NBN: variants seen among roughly 807,000 people sequenced by gnomAD.
NBN encodes the protein Nijmegen breakage syndrome 1 (nibrin).
A neutral mutation model predicts 90.8 loss-of-function variants in NBN; 88 were observed. The ratio of observed to expected loss-of-function variants is 0.97; its 90% CI spans 0.82 to 1.16. The LOEUF (loss-of-function observed/expected upper bound fraction) is 1.16, where lower values mean the gene tolerates loss of function less well. Ranked by LOEUF, NBN falls within the 50% of genes most tolerant of loss-of-function variation. The pLI is 0.00. For synonymous variants in NBN, 328 were observed against 295.1 expected (o/e 1.11, Z -1.14); for missense variants, 894 against 869.6 (o/e 1.03, Z -0.35).
rs1563581276 is a variant in NBN at position 89,981,479 on chromosome 8, AG to A, written c.215del (p.Ser72LeufsTer20). ...CCTCATTAACAAAGGTACCATACTTAGAATTATCTTTTAATGTCAATACAGG... is the reference window on the plus strand; with the variant it reads ...CCTCATTAACAAAGGTACCATACTTAAATTATCTTTTAATGTCAATACAGG... ...EIPVLTLKDN[S>X]KYGTFVNEEK... On this transcript the variant is annotated frameshift_variant, in exon 3 of 16. Coordinates refer to ENST00000265433, the MANE Select transcript of NBN (RefSeq NM_002485.5). LOFTEE classifies it high-confidence loss of function. 6.2e-7 allele frequency: 1 copy of A among 1,613,458 alleles called. No homozygotes were observed. Among genetic ancestry groups the A allele is most frequent in the South Asian group, 1.1e-5 (1 of 91,052 alleles).
At chr8:89,944,420 C>T (rs1027207459) in intron 13 of NBN, among the ~76,000 whole-genome samples, 3 of 152,202 alleles carry the variant, frequency 2.0e-5, no homozygotes, top group Admixed American at 2.0e-4. Flanking sequence ...CAATCCCAAG[C>T]TCCCACCTTA....
chr8:89,966,610 G>A (rs1456448926), intron 7 of NBN, among the ~76,000 whole-genome samples: 25 of 152,168 alleles, frequency 1.6e-4, no homozygotes, highest in Admixed American at 1.4e-3. Context: ...TACATAAATC[G>A]TTAATTCTCA....
intron 11 of NBN, among the ~76,000 whole-genome samples, chr8:89,952,357 A>G (rs1044237016): frequency 6.6e-6 from 1 of 152,304 alleles, no homozygotes; most frequent in East Asian, 1.9e-4. Context: ...GCTGACTCCA[A>G]TGCAGCTGGT....
rs1488036998 is a variant in NBN, at chr8:89,953,386, T to C, written c.1703A>G (p.Lys568Arg). Reference protein sequence around the residue: ...IEDEVLEQLFKDTKPELEIDV... With the variant: ...IEDEVLEQLFRDTKPELEIDV... ...AATTTCTAACTCTGGTTTTGTGTCCTTGAATAACTGTTCCAATACTTCATC... is the reference window on the plus strand; with the variant it reads ...AATTTCTAACTCTGGTTTTGTGTCCCTGAATAACTGTTCCAATACTTCATC... The change falls in exon 11 of 16, where the codon AAG becomes AGG. Residue 568 changes from lysine to arginine, a missense_variant. Physicochemically the swap from Lys to Arg is conservative, Grantham distance 26 (BLOSUM62 2). Coordinates refer to ENST00000265433, the MANE Select transcript of NBN (RefSeq NM_002485.5). The C allele has an allele frequency of 3.7e-6, 6 of 1,613,762 alleles. No individual in the cohort carries two copies. The highest frequency in any genetic ancestry group is 1.7e-5 in the Admixed American group (1 of 60,022).
chr8:89,961,646 A>G (rs1563543743), intron 8 of NBN, among the ~76,000 whole-genome samples: 2 of 152,240 alleles, frequency 1.3e-5, no homozygotes, highest in Non-Finnish European at 2.9e-5. Flanking sequence ...AATATGGCAC[A>G]CATATTCTGT....
intron 4 of NBN, among the ~76,000 whole-genome samples, chr8:89,978,847 A>G (rs58089706): frequency 0.022 from 3,406 of 152,326 alleles, 125 homozygotes; most frequent in African/African-American, 0.077. Context: ...GTACATATAA[A>G]GTGGAAAAAA....
intron 8 of NBN, among the ~76,000 whole-genome samples, chr8:89,959,268 A>T (rs1173053590): frequency 1.3e-5 from 2 of 152,234 alleles, no homozygotes; most frequent in African/African-American, 2.4e-5. Flanking sequence ...TATTTGAAAC[A>T]AATCATGTAA....
At position 89,946,404 on chromosome 8, in the gene NBN, A is replaced by T. The variant is rs72563784; in HGVS notation, c.1915-109T>A. 76 of 959,072 alleles carry T rather than the reference A, an allele frequency of 7.9e-5. No homozygotes were observed. In the Middle Eastern group the frequency reaches 3.6e-3, roughly 45 times the overall value. 59.4% of individuals were successfully genotyped at this position (959,072 alleles called of 1,614,324 possible). A position where few individuals can be genotyped will look rare whatever the true frequency, so the allele number is the denominator to read the frequency against. ...AAGTTCAAATACCTGAAAAAATAGT[A>T]AAAATGTTTTATTTCTTGTACCTGA... On this transcript the variant is annotated intron_variant, in intron 12 of 15. Transcript: ENST00000265433.
intron 14 of NBN, among the ~76,000 whole-genome samples, chr8:89,937,998 G>A (rs1264958485): frequency 6.6e-6 from 1 of 151,772 alleles, no homozygotes; most frequent in African/African-American, 2.4e-5. Context: ...TACTTATTTA[G>A]TGCCTACTAT....
intron 5 of NBN, 108 bp downstream of exon 5, chr8:89,978,112 C>T (rs1811855804): frequency 9.0e-6 from 9 of 1,001,130 alleles, no homozygotes; most frequent in African/African-American, 1.6e-5. Context: ...AACTATAACA[C>T]AGCAACTATT....
At chr8:89,956,195 C>CAGAAAA in intron 9 of NBN, among the ~76,000 whole-genome samples, 1 of 115,686 alleles carries the variant, frequency 8.6e-6, no homozygotes, top group South Asian at 2.8e-4. Flanking sequence ...TCTTATTTTA[C>CAGAAAA]AGAAAAAAAA....
chr8:89,948,169 A>G (rs1369794451), intron 11 of NBN, among the ~76,000 whole-genome samples: 1 of 152,214 alleles, frequency 6.6e-6, no homozygotes, highest in Non-Finnish European at 1.5e-5. Context: ...AGAATATTTA[A>G]CAATATGGGA....
chr8:89,937,420 C>G (rs150687755), intron 14 of NBN: 16 of 289,890 alleles, frequency 5.5e-5, no homozygotes, highest in Admixed American at 1.5e-4. Context: ...ACTGATGAGA[C>G]TAAGAGGGCA....
chr8:89,974,902 G>A (rs1811681970), intron 5 of NBN, among the ~76,000 whole-genome samples: 1 of 152,172 alleles, frequency 6.6e-6, no homozygotes, highest in South Asian at 2.1e-4. Context: ...TCTCAAGAGT[G>A]TCTCACTAAA....
chr8:89,956,209 A>C (rs79295129), intron 9 of NBN, among the ~76,000 whole-genome samples: 1 of 151,078 alleles, frequency 6.6e-6, no homozygotes, highest in African/African-American at 2.4e-5. Flanking sequence ...AAAAAAAAAA[A>C]CAAAAACAAG....
Position 89,953,535 on chromosome 8 carries a change from T to A in NBN, c.1554A>T (p.Ser518=). 1 of 1,613,854 alleles carries A rather than the reference T, an allele frequency of 6.2e-7. No homozygotes were observed. The highest frequency in any genetic ancestry group is 8.5e-7 in the Non-Finnish European group (1 of 1,179,836). The change falls in exon 11 of 16, where the codon TCA becomes TCT. Residue 518 remains serine, a synonymous_variant. Transcript: ENST00000265433. The part of the protein sequence containing the change: ...LSENEPVDTN[S]DNNLFTDTDL... ...CTGTATCTGTAAATAAGTTATTGTC[T>A]GAGTTTGTGTCCACAGGCTCATTCT...
At chr8:89,963,507 T>G (rs1374064292) in intron 8 of NBN, among the ~76,000 whole-genome samples, 1 of 152,110 alleles carries the variant, frequency 6.6e-6, no homozygotes, top group Non-Finnish European at 1.5e-5. Context: ...TGTAAAAATC[T>G]CCAAGGTAAA....
At chr8:89,983,816 T>C (rs1395149918) in intron 1 of NBN, among the ~76,000 whole-genome samples, 1 of 152,088 alleles carries the variant, frequency 6.6e-6, no homozygotes, top group Admixed American at 6.5e-5. Flanking sequence ...AGGGACGCCT[T>C]GACCTGTGAG....
chr8:89,942,935 T>C (rs1404591408), intron 14 of NBN, among the ~76,000 whole-genome samples: 4 of 152,158 alleles, frequency 2.6e-5, no homozygotes, highest in Admixed American at 1.3e-4. Flanking sequence ...ATTTAAGTGA[T>C]ATATTTGTAA....
Sources: gnomAD v4.1 joint callset for allele counts (sites outside exome capture counted in the v4.1 genomes callset) on GRCh38, gnomAD v4.1.1 for gene constraint, MANE v1.5 for transcripts, NCBI Gene and HGNC (gene_info 2026-07-23, HGNC 2026-07-21) for gene names.